ZNF764: variants seen among roughly 807,000 people sequenced by gnomAD.
ZNF764 encodes the protein zinc finger protein 764.
In ZNF764, 10 loss-of-function variants were observed where a neutral mutation model predicts 13.9. That is an observed-to-expected ratio of 0.72 (90% CI 0.44 to 1.22). The LOEUF (loss-of-function observed/expected upper bound fraction) is 1.22. Among genes scored for constraint, ZNF764 ranks in the 50% most tolerant of loss-of-function variants. The pLI, the probability that ZNF764 is intolerant of heterozygous loss-of-function variation, is 0.00. For synonymous variants in ZNF764, 313 were observed against 255.1 expected, an observed-to-expected ratio of 1.23 and a Z score of -2.16; for missense variants, 647 against 589.7, an observed-to-expected ratio of 1.10 and a Z score of -1.01.
rs773673036 is a variant in ZNF764 at position 30,558,190 on chromosome 16, G to A, written c.-8C>T. The A allele has an allele frequency of 1.3e-6, 2 of 1,573,170 alleles. No homozygotes were observed. Among genetic ancestry groups the A allele is most frequent in the Middle Eastern group, 1.7e-4 (1 of 5,932 alleles). ...GGCCAGAGGCGGCGCCATGGTAACT[G>A]TCAACCCCGACGACGGATCGGCTGC... On this transcript the variant is annotated 5_prime_UTR_variant, in exon 1 of 3. Transcript: ENST00000395091.
At position 30,555,965 on chromosome 16, in the gene ZNF764, G is replaced by T; in HGVS notation, c.453C>A (p.Ser151=). The change falls in exon 3 of 3, where the codon TCC becomes TCA. Residue 151 remains serine, a synonymous_variant. Transcript: ENST00000395091. ...AGPPYGWEQL[S]KAPHRGRPSL... ...AGGGGCGTCCCCGGTGCGGTGCCTTGGACAGCTGCTCCCAACCATAAGGGG... is the reference window on the plus strand; with the variant it reads ...AGGGGCGTCCCCGGTGCGGTGCCTTTGACAGCTGCTCCCAACCATAAGGGG... The T allele has an allele frequency of 6.2e-7, 1 of 1,611,978 alleles. No individual in the cohort carries two copies. Among genetic ancestry groups the T allele is most frequent in the Non-Finnish European group, 8.5e-7 (1 of 1,179,894 alleles).
In ZNF764 at chr16:30,555,969, A is replaced by C. The variant is rs145819551; in HGVS notation, c.449T>G (p.Leu150Arg). 2.4e-3 allele frequency: 3,878 copies of C among 1,611,860 alleles called. 25 individuals carry two copies. Among genetic ancestry groups the C allele is most frequent in the South Asian group, 0.011 (970 of 91,048 alleles). ...GCGTCCCCGGTGCGGTGCCTTGGAC[A>C]GCTGCTCCCAACCATAAGGGGGCCC... ...SAGPPYGWEQ[L>R]SKAPHRGRPS... is the part of the protein sequence containing the mutation. Residue 150 changes from leucine to arginine, a missense_variant, in exon 3 of 3, where the codon CTG becomes CGG. Coordinates refer to ENST00000395091, the MANE Select transcript of ZNF764 (RefSeq NM_001172679.2).
Position 30,558,217 on chromosome 16 carries a change from TC to T in ZNF764, c.-36del. 6.6e-7 allele frequency: 1 copy of T among 1,522,302 alleles called. No homozygotes were observed. The highest frequency in any genetic ancestry group is 8.8e-7 in the Non-Finnish European group (1 of 1,142,570). The allele number at this position is 1,522,302 out of a possible 1,614,324, so 94.3% of individuals were successfully genotyped here. A position where few individuals can be genotyped will look rare whatever the true frequency, so the allele number is the denominator to read the frequency against. On this transcript the variant is annotated 5_prime_UTR_variant, in exon 1 of 3. Transcript: ENST00000395091. ...CAACCCCGACGACGGATCGGCTGCC[TC>T]CCCTGGCCTGGCCTGGGCCTGCGGA...
chr16:30,555,450 AAGC>A lies in ZNF764; in HGVS notation c.965_967del (p.Cys322del). 1 of 1,552,138 alleles carries A rather than the reference AAGC, an allele frequency of 6.4e-7. No individual in the cohort carries two copies. The highest frequency in any genetic ancestry group is 8.7e-7 in the Non-Finnish European group (1 of 1,145,238). ...GGCTGCCATCTCCGAGCTCTGGCGGAAGCAGCGCCCGCAGTCCGGGCACGGGTA... is the reference window on the plus strand; with the variant it reads ...GGCTGCCATCTCCGAGCTCTGGCGGAAGCGCCCGCAGTCCGGGCACGGGTA... On this transcript the variant is annotated inframe_deletion, in exon 3 of 3. Coordinates refer to ENST00000395091, the MANE Select transcript of ZNF764 (RefSeq NM_001172679.2).
Position 30,556,102 on chromosome 16 carries a change from T to G in ZNF764, c.316A>C (p.Arg106=), listed in dbSNP as rs1318571841. 1 of 1,610,818 alleles carries G rather than the reference T, an allele frequency of 6.2e-7. No individual in the cohort carries two copies. Among genetic ancestry groups the G allele is most frequent in the South Asian group, 1.1e-5 (1 of 91,004 alleles). The part of the protein sequence containing the change: ...KCQTQTDPDS[R]NKKKERQREG... The stretch of plus-strand genomic sequence containing the variant: ...CTTTGTCTTTCCTTTTTCTTGTTTC[T>G]GGAATCTGCTGAGAGATAAAGAGGG... The change falls in exon 3 of 3, where the codon AGA becomes CGA. Residue 106 remains arginine (R), a synonymous_variant. Coordinates refer to ENST00000395091, the MANE Select transcript of ZNF764 (RefSeq NM_001172679.2).
chr16:30,555,703 A>G lies in ZNF764; in HGVS notation c.715T>C (p.Phe239Leu). The stretch of plus-strand genomic sequence containing the variant: ...GAAGTCAGCGCCGAGCGCTGCGTGA[A>G]GGCCCGGCCACACTCCAGACAGCGG... Reference protein sequence around the residue: ...PHRCLECGRAFTQRSALTSHL... With the variant: ...PHRCLECGRALTQRSALTSHL... The change falls in exon 3 of 3, where the codon TTC becomes CTC. Residue 239 changes from phenylalanine to leucine, a missense_variant. Transcript: ENST00000395091. The G allele has an allele frequency of 6.3e-7, 1 of 1,581,306 alleles. No individual in the cohort carries two copies. Among genetic ancestry groups the G allele is most frequent in the South Asian group, 1.1e-5 (1 of 88,240 alleles).
Position 30,554,936 on chromosome 16 carries a change from C to T in ZNF764, c.*258G>A. On this transcript the variant is annotated 3_prime_UTR_variant, in exon 3 of 3. Transcript: ENST00000395091. The stretch of plus-strand genomic sequence containing the variant: ...TTAGCACCTCTGGGCTGAGAAACAG[C>T]TTTTGGTTCCCCTTATGTAGGTCTG... 4.3e-6 allele frequency: 2 copies of T among 466,694 alleles called. No individual in the cohort carries two copies. Among genetic ancestry groups the T allele is most frequent in the South Asian group, 9.3e-5 (2 of 21,490 alleles). The allele number at this position is 466,694 out of a possible 1,614,324, so 28.9% of individuals were successfully genotyped here.
At position 30,554,998 on chromosome 16, in the gene ZNF764, C is replaced by T. The variant is rs2051535487; in HGVS notation, c.*196G>A. The stretch of plus-strand genomic sequence containing the variant: ...CTCAGCCCTGCCTCAGTAGAGGGGG[C>T]CTTGGAGAGCCCTGGGCAGTGGGGA... On this transcript the variant is annotated 3_prime_UTR_variant, in exon 3 of 3. Transcript: ENST00000395091. The T allele has an allele frequency of 4.8e-6, 3 of 620,710 alleles. No homozygotes were observed. The highest frequency in any genetic ancestry group is 5.3e-6 in the Non-Finnish European group (2 of 377,864). 38.5% of individuals were successfully genotyped at this position (620,710 alleles called of 1,614,324 possible).
rs2051527446 is a variant in ZNF764 at position 30,553,971 on chromosome 16, TAAGATA to T, written c.*1217_*1222del. The T allele has an allele frequency of 6.6e-6, 1 of 152,312 alleles. No individual in the cohort carries two copies. Among genetic ancestry groups the T allele is most frequent in the African/African-American group, 2.4e-5 (1 of 41,558 alleles). The allele number at this position is 152,312 out of a possible 1,614,324, so 9.4% of individuals were successfully genotyped here. Reference sequence around the variant, plus strand: ...CTTCCCTTTCTTCTTCGCTGTACTTTAAGATAAACACCAAAAACACTAAAAGCAAGC... The same window carrying T: ...CTTCCCTTTCTTCTTCGCTGTACTTTAACACCAAAAACACTAAAAGCAAGC... On this transcript the variant is annotated 3_prime_UTR_variant, in exon 3 of 3. Transcript: ENST00000395091.
chr16:30,558,206 G>T lies in ZNF764; in HGVS notation c.-24C>A. On this transcript the variant is annotated 5_prime_UTR_variant, in exon 1 of 3. Transcript: ENST00000395091. ...ATGGTAACTGTCAACCCCGACGACG[G>T]ATCGGCTGCCTCCCCTGGCCTGGCC... 6.5e-7 allele frequency: 1 copy of T among 1,546,906 alleles called. No homozygotes were observed. The highest frequency in any genetic ancestry group is 8.7e-7 in the Non-Finnish European group (1 of 1,154,596).
At position 30,555,212 on chromosome 16, in the gene ZNF764, T is replaced by A; in HGVS notation, c.1206A>T (p.Ile402=). 1 of 1,610,200 alleles carries A rather than the reference T, an allele frequency of 6.2e-7. No homozygotes were observed. Among genetic ancestry groups the A allele is most frequent in the Middle Eastern group, 1.7e-4 (1 of 6,034 alleles). ...AAGGCCGTCACCCACACTCCTGGAA[T>A]ATCTCCGGGTACAGCTGGAAGCCCA... ...PPVGFQLYPE[I]FQECG Residue 402 remains isoleucine (I), a synonymous_variant, in exon 3 of 3, where the codon ATA becomes ATT. Transcript: ENST00000395091.
At chr16:30,557,656 A>C (rs537959432) in intron 2 of ZNF764, 77 bp downstream of exon 2, 1 of 1,569,288 alleles carries the variant, frequency 6.4e-7, no homozygotes, top group East Asian at 2.3e-5. Flanking sequence ...CTAAGCAGGT[A>C]GCTGGAGGTG....
Position 30,558,259 on chromosome 16 carries a change from G to T in ZNF764, c.-77C>A. The stretch of plus-strand genomic sequence containing the variant: ...GGCCTGCGGAACCTCCTGCGCCCGA[G>T]AAAGCCTCCCCGGCCCGGGCCCAAG... On this transcript the variant is annotated 5_prime_UTR_variant, in exon 1 of 3. Transcript: ENST00000395091. 7.0e-7 allele frequency: 1 copy of T among 1,436,798 alleles called. No individual in the cohort carries two copies. Among genetic ancestry groups the T allele is most frequent in the Non-Finnish European group, 9.1e-7 (1 of 1,094,700 alleles). 89.0% of individuals were successfully genotyped at this position (1,436,798 alleles called of 1,614,324 possible). A position where few individuals can be genotyped will look rare whatever the true frequency, so the allele number is the denominator to read the frequency against.
rs2151224860 is a variant in ZNF764 at position 30,555,290 on chromosome 16, G to A, written c.1128C>T (p.Ala376=). The A allele has an allele frequency of 2.5e-6, 4 of 1,611,874 alleles. No individual in the cohort carries two copies. The highest frequency in any genetic ancestry group is 2.2e-5 in the East Asian group (1 of 44,868). The change falls in exon 3 of 3, where the codon GCC becomes GCT. Residue 376 remains alanine (A), a synonymous_variant. Transcript: ENST00000395091. ...GGGTCAGGGTCACAGACAGACGCCC[G>A]GCGACCCGGCCCCTGTGGCCCCCGG... is the stretch of plus-strand genomic sequence containing the variant. ...PGAGGHRGRV[A]GRLSVTLTPG...
chr16:30,555,659 G>A lies in ZNF764; in HGVS notation c.759C>T (p.Thr253=), dbSNP rs1271568307. ...CGGCGCAGCCATAGGGTTTCTCGCC[G>A]GTGTGGACGCGCAGGTGCGAAGTCA... ...SALTSHLRVH[T]GEKPYGCADC... is the part of the protein sequence containing the mutation. Residue 253 remains threonine, a synonymous_variant, in exon 3 of 3, where the codon ACC becomes ACT. Coordinates refer to ENST00000395091, the MANE Select transcript of ZNF764 (RefSeq NM_001172679.2). 1 of 1,546,070 alleles carries A rather than the reference G, an allele frequency of 6.5e-7. No homozygotes were observed. The highest frequency in any genetic ancestry group is 2.0e-5 in the Admixed American group (1 of 51,206).
chr16:30,555,089 T>C lies in ZNF764; in HGVS notation c.*105A>G. 7.3e-7 allele frequency: 1 copy of C among 1,367,328 alleles called. No homozygotes were observed. Among genetic ancestry groups the C allele is most frequent in the Admixed American group, 2.4e-5 (1 of 41,782 alleles). The allele number at this position is 1,367,328 out of a possible 1,614,324, so 84.7% of individuals were successfully genotyped here. A position where few individuals can be genotyped will look rare whatever the true frequency, so the allele number is the denominator to read the frequency against. ...AGACTGTCCGCACCCCAGGGCCAGC[T>C]CTTGCCCTAGATTCTGGGACCTCCC... On this transcript the variant is annotated 3_prime_UTR_variant, in exon 3 of 3. Coordinates refer to ENST00000395091, the MANE Select transcript of ZNF764 (RefSeq NM_001172679.2).
Position 30,555,492 on chromosome 16 carries a change from G to A in ZNF764, c.926C>T (p.Thr309Ile). The change falls in exon 3 of 3, where the codon ACC (threonine) becomes ATC (isoleucine). Residue 309 changes from threonine (T) to isoleucine (I), a missense_variant. Coordinates refer to ENST00000395091, the MANE Select transcript of ZNF764 (RefSeq NM_001172679.2). ...SDLRRHVRTH[T>I]GEKPYPCPDC... ...CGGGCACGGGTAGGGCTTCTCGCCG[G>A]TGTGGGTGCGCACGTGGCGCCGCAG... 5.2e-6 allele frequency: 8 copies of A among 1,545,674 alleles called. No individual in the cohort carries two copies. Among genetic ancestry groups the A allele is most frequent in the South Asian group, 1.2e-5 (1 of 80,178 alleles).
Position 30,555,473 on chromosome 16 carries a change from C to CGGGT in ZNF764, c.941_944dup (p.Cys316ProfsTer102), listed in dbSNP as rs2051542765. ...GGAAGCAGCGCCCGCAGTCCGGGCACGGGTAGGGCTTCTCGCCGGTGTGGG... is the reference window on the plus strand; with the variant it reads ...GGAAGCAGCGCCCGCAGTCCGGGCACGGGTGGGTAGGGCTTCTCGCCGGTGTGGG... On this transcript the variant is annotated frameshift_variant, in exon 3 of 3. Coordinates refer to ENST00000395091, the MANE Select transcript of ZNF764 (RefSeq NM_001172679.2). LOFTEE classifies it low-confidence loss of function (END_TRUNC). The CGGGT allele has an allele frequency of 1.3e-6, 2 of 1,550,836 alleles. No homozygotes were observed. The highest frequency in any genetic ancestry group is 2.0e-5 in the Admixed American group (1 of 50,496).
chr16:30,555,306 T>C lies in ZNF764; in HGVS notation c.1112A>G (p.His371Arg). The part of the protein sequence containing the change: ...QWVHRPGAGG[H>R]RGRVAGRLSV... Reference sequence around the variant, plus strand: ...CAGACGCCCGGCGACCCGGCCCCTGTGGCCCCCGGCCCCGGGCCGATGAAC... The same window carrying C: ...CAGACGCCCGGCGACCCGGCCCCTGCGGCCCCCGGCCCCGGGCCGATGAAC... Residue 371 changes from histidine (H) to arginine (R), a missense_variant, in exon 3 of 3, where the codon CAC (histidine) becomes CGC (arginine). Coordinates refer to ENST00000395091, the MANE Select transcript of ZNF764 (RefSeq NM_001172679.2). The C allele has an allele frequency of 6.2e-7, 1 of 1,610,894 alleles. No individual in the cohort carries two copies. The highest frequency in any genetic ancestry group is 8.5e-7 in the Non-Finnish European group (1 of 1,178,766).
Sources: allele counts gnomAD v4.1 joint callset, GRCh38; gene constraint gnomAD v4.1.1; transcripts MANE v1.5; gene names NCBI Gene and HGNC (gene_info 2026-07-23, HGNC 2026-07-21).